Variants in ACO2 observed in about 807,000 individuals in gnomAD.
The protein encoded by ACO2 is aconitase 2.
In ACO2, 31 loss-of-function variants were observed where a neutral mutation model predicts 84.5. The observed-to-expected ratio is 0.37, with a 90% CI of 0.28 to 0.50. The LOEUF (loss-of-function observed/expected upper bound fraction) is 0.50, where lower values mean the gene tolerates loss of function less well. ACO2 is among the 20% of genes least tolerant of loss of function. The probability of loss-of-function intolerance (pLI) is 0.97; values close to 1 mark genes in which losing one functional copy is unlikely to be tolerated. For synonymous variants in ACO2, 414 were observed against 412.7 expected, an observed-to-expected ratio of 1.00 and a Z score of -0.04; for missense variants, 685 against 1,029.3, an observed-to-expected ratio of 0.67 and a Z score of 4.58.
At chr22:41,510,777 G>T (rs1422306931) in intron 3 of ACO2, among the ~76,000 whole-genome samples, 1 of 152,176 alleles carries the variant, frequency 6.6e-6, no homozygotes, top group African/African-American at 2.4e-5. Context: ...GTCCCTCAAG[G>T]AAGCTTCCTT....
chr22:41,474,563 G>A (rs1232226144), intron 1 of ACO2, among the ~76,000 whole-genome samples: 1 of 146,644 alleles, frequency 6.8e-6, no homozygotes, highest in Non-Finnish European at 1.5e-5. Context: ...AAAGTGCTGG[G>A]ATTACAGGCG....
At chr22:41,485,831 CCTTT>C (rs1249430648) in intron 1 of ACO2, among the ~76,000 whole-genome samples, 2 of 152,154 alleles carry the variant, frequency 1.3e-5, no homozygotes, top group Non-Finnish European at 2.9e-5. Context: ...AGGTGATCCG[CCTTT>C]CTTGGCCTCC....
At chr22:41,510,642 A>G (rs1222939395) in intron 3 of ACO2, among the ~76,000 whole-genome samples, 1 of 152,172 alleles carries the variant, frequency 6.6e-6, no homozygotes, top group African/African-American at 2.4e-5. Context: ...TTTGAGACTC[A>G]GTAGAGTCCA....
At chr22:41,496,590 T>C (rs1287977032) in intron 1 of ACO2, among the ~76,000 whole-genome samples, 1 of 152,172 alleles carries the variant, frequency 6.6e-6, no homozygotes, top group Non-Finnish European at 1.5e-5. Flanking sequence ...TGCACTGGGC[T>C]CCTCCACCCG....
In ACO2 at chr22:41,527,101, GT is replaced by G. The variant is rs1353986297; in HGVS notation, c.1954-184del. 5 of 816,524 alleles carry G rather than the reference GT, an allele frequency of 6.1e-6. No homozygotes were observed. The Admixed American group carries it at 1.4e-4, about 23-fold the overall frequency. 50.6% of individuals were successfully genotyped at this position (816,524 alleles called of 1,614,324 possible). A position where few individuals can be genotyped will look rare whatever the true frequency, so the allele number is the denominator to read the frequency against. The stretch of plus-strand genomic sequence containing the variant: ...CGTGCCTCTGTCCCCTCGGGGCCTC[GT>G]TTGGGTCTCATTCACGCAGGCTTCA... On this transcript the variant is annotated intron_variant, in intron 15 of 17. Coordinates refer to ENST00000216254, the MANE Select transcript of ACO2 (RefSeq NM_001098.3).
chr22:41,495,360 G>A (rs977448330), intron 1 of ACO2, among the ~76,000 whole-genome samples: 2 of 152,068 alleles, frequency 1.3e-5, no homozygotes, highest in Non-Finnish European at 2.9e-5. Flanking sequence ...GTCTTGCTAT[G>A]TTGGCCGGGT....
chr22:41,499,565 C>G (rs1411424609), intron 1 of ACO2, among the ~76,000 whole-genome samples, 161 bp from the exon 2 acceptor site: 3 of 152,306 alleles, frequency 2.0e-5, no homozygotes, highest in South Asian at 4.1e-4. Flanking sequence ...CTTGTGGCTG[C>G]TTTGTCATCC....
chr22:41,504,996 T>G (rs1243858706), intron 2 of ACO2, among the ~76,000 whole-genome samples: 8 of 151,992 alleles, frequency 5.3e-5, no homozygotes, highest in Non-Finnish European at 1.2e-4. Flanking sequence ...ATGACAATCG[T>G]GAGCCACCAC....
chr22:41,475,120 A>G (rs996058860), intron 1 of ACO2, among the ~76,000 whole-genome samples: 19 of 144,524 alleles, frequency 1.3e-4, no homozygotes, highest in Admixed American at 1.2e-3. Flanking sequence ...CAAGAGGGCC[A>G]TCTTGTAAAT....
intron 16 of ACO2, 134 bp from the exon 17 acceptor site, chr22:41,527,767 C>T: frequency 1.4e-6 from 2 of 1,446,388 alleles, no homozygotes; most frequent in Non-Finnish European, 9.4e-7. Context: ...CAGACCAGGG[C>T]CCCATAGTCA....
intron 2 of ACO2, among the ~76,000 whole-genome samples, chr22:41,501,656 G>A (rs545148047): frequency 1.3e-5 from 2 of 152,264 alleles, no homozygotes; most frequent in African/African-American, 2.4e-5. Flanking sequence ...GAGTCTACCC[G>A]CTGGGTAGCT....
At chr22:41,474,477 A>G (rs2146076672) in intron 1 of ACO2, among the ~76,000 whole-genome samples, 1 of 142,594 alleles carries the variant, frequency 7.0e-6, no homozygotes, top group South Asian at 2.2e-4. Flanking sequence ...GTGTGTTTTT[A>G]GTAGAGACGG....
chr22:41,503,010 TG>T (rs1393821652), intron 2 of ACO2, among the ~76,000 whole-genome samples: 4 of 152,288 alleles, frequency 2.6e-5, no homozygotes, highest in Admixed American at 2.0e-4. Context: ...CCTCCCAAAG[TG>T]TTGGGATTAC....
In ACO2 at chr22:41,503,090, A is replaced by G. The variant is rs1351193347; in HGVS notation, c.173+3228A>G. 2.9e-4 allele frequency among the ~76,000 whole-genome samples: 44 copies of G among 152,194 alleles called. 1 individual carries two copies. The highest frequency in any genetic ancestry group is 2.9e-3 in the Admixed American group (44 of 15,282). On this transcript the variant is annotated intron_variant, in intron 2 of 17. Transcript: ENST00000216254. ...ACTTGACAACAGAGTATTATTCACT[A>G]TTTAGTTTTTGCATTAAACAATTAA...
intron 1 of ACO2, among the ~76,000 whole-genome samples, chr22:41,469,679 G>A (rs1345602380): frequency 6.6e-6 from 1 of 152,192 alleles, no homozygotes; most frequent in Non-Finnish European, 1.5e-5. Context: ...GGACCCTGCG[G>A]AACGTGGAAT....
chr22:41,522,717 C>A, intron 9 of ACO2, 113 bp from the exon 10 acceptor site: 1 of 1,248,760 alleles, frequency 8.0e-7, no homozygotes. Context: ...AAGTCTCTGG[C>A]CCAGCCCAGA....
chr22:41,470,816 T>A (rs2037937696), intron 1 of ACO2, among the ~76,000 whole-genome samples: 1 of 152,156 alleles, frequency 6.6e-6, no homozygotes, highest in Non-Finnish European at 1.5e-5. Flanking sequence ...GTCCTGGGAT[T>A]ACAGGTGTGA....
chr22:41,510,420 GAC>G (rs2066425338), intron 3 of ACO2, among the ~76,000 whole-genome samples: 1 of 152,226 alleles, frequency 6.6e-6, no homozygotes, highest in African/African-American at 2.4e-5. Context: ...ATTGGAAAGA[GAC>G]TGCTCTGGAA....
chr22:41,477,562 G>C (rs1442978208), intron 1 of ACO2, among the ~76,000 whole-genome samples: 2 of 152,122 alleles, frequency 1.3e-5, no homozygotes, highest in Admixed American at 1.3e-4. Context: ...AAAACAGTTA[G>C]CATTCCAGAG....
Sources: gnomAD v4.1 joint callset for allele counts (sites outside exome capture counted in the v4.1 genomes callset) on GRCh38, gnomAD v4.1.1 for gene constraint, MANE v1.5 for transcripts, NCBI Gene and HGNC (gene_info 2026-07-23, HGNC 2026-07-21) for gene names.